Variants in STIM1 observed in about 807,000 individuals in gnomAD.
STIM1 encodes stromal interaction molecule 1.
A neutral mutation model predicts 74.7 loss-of-function variants in STIM1; 25 were observed. The observed-to-expected ratio is 0.33, with a 90% CI of 0.24 to 0.47. The LOEUF (loss-of-function observed/expected upper bound fraction) is 0.47. Ranked by LOEUF, STIM1 falls within the 20% of genes least tolerant of loss-of-function variation. The pLI is 1.00. For synonymous variants in STIM1, 328 were observed against 348.8 expected (o/e 0.94, Z 0.66); for missense variants, 728 against 920.8 (o/e 0.79, Z 2.71).
At chr11:4,017,111 A>G (rs2093906238) in intron 2 of STIM1, among the ~76,000 whole-genome samples, 1 of 152,160 alleles carries the variant, frequency 6.6e-6, no homozygotes, top group Non-Finnish European at 1.5e-5. Flanking sequence ...GAGATGAACC[A>G]GGTACCTCAG....
At chr11:3,875,211 G>A (rs1306851973) in intron 1 of STIM1, among the ~76,000 whole-genome samples, 2 of 152,074 alleles carry the variant, frequency 1.3e-5, no homozygotes, top group African/African-American at 4.8e-5. Flanking sequence ...TGCATTTGGG[G>A]CTTATACTTT....
At position 3,856,070 on chromosome 11, in the gene STIM1, A is replaced by G. The variant is rs907801101; in HGVS notation, c.-201A>G. ...GGCGGACCCACTGTTGGACCTGAGG[A>G]GCCAGCCCTCCTCCCGCACCCAAAC... On this transcript the variant is annotated 5_prime_UTR_variant, in exon 1 of 13. Coordinates refer to ENST00000526596, the MANE Select transcript of STIM1 (RefSeq NM_001382567.1). 3 of 633,790 alleles carry G rather than the reference A, an allele frequency of 4.7e-6. No homozygotes were observed. The Admixed American group carries it at 7.6e-5, about 16-fold the overall frequency. 39.3% of individuals were successfully genotyped at this position (633,790 alleles called of 1,614,324 possible).
chr11:4,051,195 C>A (rs1252942578), intron 3 of STIM1, among the ~76,000 whole-genome samples: 1 of 152,154 alleles, frequency 6.6e-6, no homozygotes, highest in Non-Finnish European at 1.5e-5. Flanking sequence ...TTTGCATCAA[C>A]ACACTTATAA....
rs1565174316 is a variant in STIM1, at chr11:4,091,693, G to T, written c.2046G>T (p.Lys682Asn). 5.0e-6 allele frequency: 8 copies of T among 1,614,240 alleles called. No individual in the cohort carries two copies. The highest frequency in any genetic ancestry group is 6.8e-6 in the Non-Finnish European group (8 of 1,180,048). Residue 682 changes from lysine to asparagine, a missense_variant, in exon 13 of 13, where the codon AAG (lysine) becomes AAT (asparagine). By Grantham distance (94) the Lys-to-Asn change is moderately conservative. Around this residue, in one of 5 missense-constraint regions of STIM1, gnomAD observed 352 missense variants for 370.1 expected, o/e 0.95. Coordinates refer to ENST00000526596, the MANE Select transcript of STIM1 (RefSeq NM_001382567.1). Reference sequence around the variant, plus strand: ...GCATTCCCCACCTGGCTGGCAAGAAGGCTGTGGCTGAGGAGGATAATGGCT... The same window carrying T: ...GCATTCCCCACCTGGCTGGCAAGAATGCTGTGGCTGAGGAGGATAATGGCT... Reference protein sequence around the residue: ...NTRIPHLAGKKAVAEEDNGSI... With the variant: ...NTRIPHLAGKNAVAEEDNGSI...
At chr11:3,991,341 T>C (rs1199969269) in intron 2 of STIM1, among the ~76,000 whole-genome samples, 1 of 151,742 alleles carries the variant, frequency 6.6e-6, no homozygotes, top group Admixed American at 6.6e-5. Flanking sequence ...CTAATTTCTT[T>C]GTATTGTTTT....
At chr11:4,041,628 G>T (rs770216719) in intron 3 of STIM1, among the ~76,000 whole-genome samples, 68 of 151,590 alleles carry the variant, frequency 4.5e-4, no homozygotes, top group Non-Finnish European at 6.9e-4. Context: ...TTTTGAGATG[G>T]GATCTTTGCT....
rs147920761 is a variant in STIM1, at chr11:4,076,482, T to C, written c.969+1803T>C. Among the ~76,000 whole-genome samples, 270 of 42,228 alleles carry C rather than the reference T, an allele frequency of 6.4e-3. 1 individual carries two copies. The highest frequency in any genetic ancestry group is 0.024 in the African/African-American group (261 of 10,706). 27.7% of individuals were successfully genotyped at this position (42,228 alleles called of 152,430 possible). ...GCCTGGGTGACAGAGTGAGACTCCA[T>C]CTCAAAAAAAAAAAAAAAAAAAAAA... On this transcript the variant is annotated intron_variant, in intron 7 of 12. Transcript: ENST00000526596.
chr11:3,890,315 C>A (rs1363910719), intron 1 of STIM1, among the ~76,000 whole-genome samples: 1 of 152,140 alleles, frequency 6.6e-6, no homozygotes, highest in Non-Finnish European at 1.5e-5. Context: ...TGTGATCATC[C>A]TCTTTTGGTC....
At chr11:4,027,297 C>T (rs987339683) in intron 3 of STIM1, among the ~76,000 whole-genome samples, 5 of 151,926 alleles carry the variant, frequency 3.3e-5, no homozygotes, top group East Asian at 1.9e-4. Context: ...CTAGGGGATT[C>T]GCCTTTTCTT....
intron 5 of STIM1, among the ~76,000 whole-genome samples, chr11:4,060,570 T>A (rs1436646540): frequency 2.0e-5 from 3 of 152,238 alleles, no homozygotes; most frequent in Non-Finnish European, 2.9e-5. Context: ...GGACACATTT[T>A]ACTCACCTTC....
At chr11:3,933,817 A>T (rs2092900841) in intron 1 of STIM1, among the ~76,000 whole-genome samples, 1 of 152,198 alleles carries the variant, frequency 6.6e-6, no homozygotes, top group African/African-American at 2.4e-5. Flanking sequence ...TTCTTAATCC[A>T]GTTCCCACAG....
intron 1 of STIM1, among the ~76,000 whole-genome samples, chr11:3,893,824 T>C (rs563520471): frequency 2.5e-4 from 38 of 152,282 alleles, no homozygotes; most frequent in Admixed American, 1.6e-3. Context: ...GCCTGGCTAA[T>C]ATTTTTATTT....
intron 11 of STIM1, among the ~76,000 whole-genome samples, 161 bp downstream of exon 11, chr11:4,084,926 G>A (rs2094484657): frequency 6.6e-6 from 1 of 152,160 alleles, no homozygotes; most frequent in Non-Finnish European, 1.5e-5. Flanking sequence ...GTTCGGGGGT[G>A]AGAAGAATCA....
chr11:4,084,627 C>T, intron 10 of STIM1, 46 bp from the exon 11 acceptor site: 1 of 1,280,862 alleles, frequency 7.8e-7, no homozygotes, highest in Non-Finnish European at 1.0e-6. Flanking sequence ...CGAAGCCCTC[C>T]ATAAATCAGA....
At chr11:4,059,764 C>T (rs965042664) in intron 5 of STIM1, among the ~76,000 whole-genome samples, 1 of 152,106 alleles carries the variant, frequency 6.6e-6, no homozygotes, top group African/African-American at 2.4e-5. Context: ...TGACATGTTA[C>T]CTCTGCCTTT....
At chr11:3,939,226 G>A (rs146059609) in intron 1 of STIM1, among the ~76,000 whole-genome samples, 51 of 152,296 alleles carry the variant, frequency 3.3e-4, no homozygotes, top group African/African-American at 1.2e-3. Context: ...TGATTATCTG[G>A]TTATGATGGA....
At chr11:3,981,208 G>A (rs555771631) in intron 2 of STIM1, among the ~76,000 whole-genome samples, 5 of 152,252 alleles carry the variant, frequency 3.3e-5, no homozygotes, top group South Asian at 2.1e-4. Context: ...GATTATAGGC[G>A]TGAGCCACCA....
intron 1 of STIM1, among the ~76,000 whole-genome samples, chr11:3,936,100 A>G (rs927029167): frequency 6.6e-6 from 1 of 152,206 alleles, no homozygotes; most frequent in Non-Finnish European, 1.5e-5. Context: ...CCTCTCCCCT[A>G]CAATCAAGAT....
At chr11:3,921,917 T>G (rs909549922) in intron 1 of STIM1, 3 of 152,180 alleles carry the variant, frequency 2.0e-5, no homozygotes, top group African/African-American at 7.2e-5. Flanking sequence ...GGAATGTGAG[T>G]GAGCCACCAT....
Sources: allele counts gnomAD v4.1 joint callset (sites outside exome capture counted in the v4.1 genomes callset), GRCh38; gene constraint gnomAD v4.1.1; regional missense constraint gnomAD v4.1.1; transcripts MANE v1.5; gene names NCBI Gene and HGNC (gene_info 2026-07-23, HGNC 2026-07-21).